The following COL6A5 variants were observed in gnomAD, a reference collection of about 807,000 sequenced individuals.
The protein encoded by COL6A5 is collagen type VI alpha 5 chain.
COL6A5 carries 48 observed loss-of-function variants against 65.6 expected under a neutral mutation model. The ratio of observed to expected loss-of-function variants is 0.73; its 90% confidence interval spans 0.58 to 0.93. COL6A5 has a LOEUF of 0.93. Ranked by LOEUF, COL6A5 falls within the 40% of genes least tolerant of loss-of-function variation. COL6A5 has a pLI of 0.00. For missense variants in COL6A5, 914 were observed against 928.3 expected (o/e 0.98, Z 0.20); for synonymous variants, 291 against 322.8 (o/e 0.90, Z 1.05).
intron 25 of COL6A5, among the ~76,000 whole-genome samples, chr3:130,419,779 G>C (rs1937471280): frequency 6.6e-6 from 1 of 151,896 alleles, no homozygotes; most frequent in Non-Finnish European, 1.5e-5. Flanking sequence ...GGGAGATGTT[G>C]GTCAAAGTAT....
In COL6A5 at chr3:130,480,429, C is replaced by T. The variant is rs375342029; in HGVS notation, c.2329-3606C>T. Among the ~76,000 whole-genome samples the T allele has an allele frequency of 3.2e-3, 489 of 151,774 alleles. 1 individual carries two copies. The highest frequency in any genetic ancestry group is 4.7e-3 in the Non-Finnish European group (316 of 67,904). ...AATGAAATATTTTAAAGCATATAAA[C>T]TTATTAGAGTTAGAATGAAATTCTA... On this transcript the variant is annotated intron_variant, in intron 7 of 7. Coordinates refer to ENST00000512836, the Ensembl canonical transcript of COL6A5.
At chr3:130,442,303 C>T (rs541900390) in intron 3 of COL6A5, among the ~76,000 whole-genome samples, 1 of 152,232 alleles carries the variant, frequency 6.6e-6, no homozygotes, top group East Asian at 1.9e-4. Context: ...TAAGGCACTC[C>T]TAAAACAACT....
intron 2 of COL6A5, among the ~76,000 whole-genome samples, 158 bp from the exon 35 acceptor site, chr3:130,440,008 A>G (rs1319465166): frequency 6.6e-6 from 1 of 152,172 alleles, no homozygotes; most frequent in Non-Finnish European, 1.5e-5. Flanking sequence ...GTACCGGGAC[A>G]TTGAAAATTT....
At chr3:130,359,965 A>C (rs139345272) in intron 1 of COL6A5, among the ~76,000 whole-genome samples, 2 of 152,198 alleles carry the variant, frequency 1.3e-5, no homozygotes, top group Non-Finnish European at 2.9e-5. Context: ...CTACTTTTGA[A>C]TTGTTCACAA....
At chr3:130,468,387 TTAATATC>T (rs1709866783) in intron 5 of COL6A5, among the ~76,000 whole-genome samples, 1 of 152,100 alleles carries the variant, frequency 6.6e-6, no homozygotes, top group African/African-American at 2.4e-5. Context: ...AAATGTAACT[TTAATATC>T]TATACTTTCT....
At chr3:130,421,978 A>G (rs766803582) in intron 27 of COL6A5, among the ~76,000 whole-genome samples, 10 of 152,050 alleles carry the variant, frequency 6.6e-5, no homozygotes, top group Non-Finnish European at 1.3e-4. Flanking sequence ...CTGTAAAAAG[A>G]TCTCCCTTAG....
chr3:130,457,310 C>G (rs1358565924), intron 5 of COL6A5, among the ~76,000 whole-genome samples: 1 of 151,976 alleles, frequency 6.6e-6, no homozygotes, highest in Non-Finnish European at 1.5e-5. Flanking sequence ...ATTCCAAAGT[C>G]TGGTAATTTA....
At chr3:130,476,693 G>C (rs901863287) in intron 7 of COL6A5, among the ~76,000 whole-genome samples, 2 of 152,024 alleles carry the variant, frequency 1.3e-5, no homozygotes, top group Non-Finnish European at 2.9e-5. Context: ...GACAGCTTTA[G>C]ATATCTCAAG....
intron 5 of COL6A5, among the ~76,000 whole-genome samples, chr3:130,386,791 G>A (rs1195022773): frequency 6.6e-6 from 1 of 151,994 alleles, no homozygotes; most frequent in East Asian, 1.9e-4. Context: ...GCACTGGCAT[G>A]CCTGGAGGAG....
intron 1 of COL6A5, among the ~76,000 whole-genome samples, chr3:130,364,455 A>G (rs1935256299): frequency 6.6e-6 from 1 of 152,224 alleles, no homozygotes; most frequent in African/African-American, 2.4e-5. Flanking sequence ...ACTACCAAAC[A>G]TATACACACA....
At chr3:130,416,131 C>T (rs1937329829) in intron 23 of COL6A5, among the ~76,000 whole-genome samples, 2 of 152,124 alleles carry the variant, frequency 1.3e-5, no homozygotes, top group Admixed American at 6.5e-5. Context: ...TTCCTATGTT[C>T]ACCTCTTGAA....
chr3:130,414,140 G>A lies in COL6A5; in HGVS notation c.4761+9G>A, dbSNP rs1208569435. The A allele has an allele frequency of 1.9e-6, 3 of 1,543,142 alleles. No individual in the cohort carries two copies. The African/African-American group carries it at 4.1e-5, about 21-fold the overall frequency. The stretch of plus-strand genomic sequence containing the variant: ...GATTACAAGGCCCACAGGTGTGTTG[G>A]AATATTTTGTAAATATTGATAAATG... On this transcript the variant is annotated intron_variant and NMD_transcript_variant, in intron 22 of 41. Transcript: ENST00000312481.
intron 29 of COL6A5, among the ~76,000 whole-genome samples, chr3:130,424,864 G>A (rs1165388747): frequency 6.6e-6 from 1 of 152,098 alleles, no homozygotes; most frequent in South Asian, 2.1e-4. Context: ...TCTCATCTGG[G>A]GACACCCACA....
intron 1 of COL6A5, among the ~76,000 whole-genome samples, chr3:130,352,871 G>A (rs1026608090): frequency 2.0e-5 from 3 of 152,170 alleles, no homozygotes; most frequent in African/African-American, 4.8e-5. Context: ...TCAAATCAGC[G>A]TTTTACTACT....
chr3:130,347,944 G>T lies in COL6A5; in HGVS notation c.-29+1963G>T, dbSNP rs191741690. 1.4e-3 allele frequency among the ~76,000 whole-genome samples: 219 copies of T among 152,234 alleles called. 5 individuals carry two copies. The highest frequency in any genetic ancestry group is 2.5e-4 in the Non-Finnish European group (17 of 68,008). On this transcript the variant is annotated intron_variant and NMD_transcript_variant, in intron 1 of 41. Coordinates refer to the COL6A5 transcript ENST00000312481. ...AGATGCATGCCTACTTTATGAGGAA[G>T]GGCTGACTGGTGGTGCATGTGGCAG...
chr3:130,403,073 G>A (rs369371804), intron 12 of COL6A5, among the ~76,000 whole-genome samples: 18 of 152,316 alleles, frequency 1.2e-4, no homozygotes, highest in South Asian at 8.3e-4. Context: ...AGCTGGGCCT[G>A]TGTTAGAGGG....
chr3:130,421,622 C>G (rs200657748), intron 27 of COL6A5, among the ~76,000 whole-genome samples: 1 of 152,074 alleles, frequency 6.6e-6, no homozygotes, highest in African/African-American at 2.4e-5. Flanking sequence ...CTTCTGTTCT[C>G]TTCTTGATTT....
chr3:130,478,526 A>G (rs957885751), intron 7 of COL6A5, among the ~76,000 whole-genome samples: 3 of 152,006 alleles, frequency 2.0e-5, no homozygotes, highest in Admixed American at 6.6e-5. Context: ...CTGAGAATGT[A>G]TTTGTGTCTA....
At chr3:130,469,753 C>G (rs1233003135) in intron 6 of COL6A5, among the ~76,000 whole-genome samples, 6 of 152,026 alleles carry the variant, frequency 3.9e-5, no homozygotes, top group Non-Finnish European at 7.4e-5. Context: ...GTGGCAGGTT[C>G]TTTAAATTGA....
Sources: gnomAD v4.1 joint callset for allele counts (sites outside exome capture counted in the v4.1 genomes callset) on GRCh38, gnomAD v4.1.1 for gene constraint, MANE v1.5 for transcripts, NCBI Gene and HGNC (gene_info 2026-07-23, HGNC 2026-07-21) for gene names.